CLOCK: variants seen among roughly 807,000 people sequenced by gnomAD.
CLOCK encodes the protein circadian locomoter output cycles protein kaput.
CLOCK carries 43 observed loss-of-function variants against 118.4 expected under a neutral mutation model. That is an observed-to-expected ratio of 0.36 (90% CI 0.28 to 0.47). The LOEUF is 0.47. CLOCK is among the 20% of genes least tolerant of loss of function. The probability of loss-of-function intolerance (pLI) is 1.00; values close to 1 mark genes in which losing one functional copy is unlikely to be tolerated. For missense variants in CLOCK, 846 were observed against 999.9 expected (o/e 0.85, Z 2.08); for synonymous variants, 326 against 339.2 (o/e 0.96, Z 0.43).
intron 7 of CLOCK, among the ~76,000 whole-genome samples, chr4:55,475,753 A>G (rs1267846474): frequency 1.3e-5 from 2 of 152,160 alleles, no homozygotes; most frequent in Non-Finnish European, 2.9e-5. Flanking sequence ...TTTAGGTATG[A>G]TCAGTATTTT....
intron 7 of CLOCK, 137 bp from the exon 8 acceptor site, chr4:55,470,943 C>T: frequency 6.1e-6 from 4 of 654,004 alleles, no homozygotes; most frequent in South Asian, 3.6e-5. Context: ...ACTAGCTTTC[C>T]CCCTTTACAA....
Position 55,455,906 on chromosome 4 carries a change from G to A in CLOCK, c.973C>T (p.His325Tyr). Residue 325 changes from histidine (H) to tyrosine (Y), a missense_variant, in exon 13 of 23, where the codon CAT (histidine) becomes TAT (tyrosine). His to Tyr is a moderately conservative substitution (Grantham distance 83). Transcript: ENST00000513440. The stretch of plus-strand genomic sequence containing the variant: ...GTTAAAATCTACTTACAGTGCTCAT[G>A]ACATTTTGCCAAATTTTCTAGGTCA... Reference protein sequence around the residue: ...VDDLENLAKCHEHLMQYGKGK... With the variant: ...VDDLENLAKCYEHLMQYGKGK... 1.2e-6 allele frequency: 2 copies of A among 1,611,982 alleles called. No individual in the cohort carries two copies. The highest frequency in any genetic ancestry group is 1.7e-6 in the Non-Finnish European group (2 of 1,178,298).
chr4:55,486,990 G>C (rs1727339108), intron 3 of CLOCK, among the ~76,000 whole-genome samples: 1 of 151,986 alleles, frequency 6.6e-6, no homozygotes, highest in South Asian at 2.1e-4. Context: ...TGGAGATCCT[G>C]GACAGTTGTA....
At chr4:55,458,473 A>G (rs1212253517) in intron 11 of CLOCK, among the ~76,000 whole-genome samples, 1 of 152,274 alleles carries the variant, frequency 6.6e-6, no homozygotes, top group African/African-American at 2.4e-5. Flanking sequence ...GGTCCAGGAA[A>G]TAAAAATAAA....
chr4:55,428,746 T>TACCA lies in CLOCK; in HGVS notation c.*6665_*6668dup, dbSNP rs1175758299. On this transcript the variant is annotated 3_prime_UTR_variant, in exon 23 of 23. Transcript: ENST00000513440. ...AGAATTTGGTGCATGTTTTAACAAC[T>TACCA]ACCAACTGATGTTAACAATGAAAAA... 1 of 151,532 alleles carries TACCA rather than the reference T, an allele frequency of 6.6e-6. No individual in the cohort carries two copies. The highest frequency in any genetic ancestry group is 2.4e-5 in the African/African-American group (1 of 41,320). 9.4% of individuals were successfully genotyped at this position (151,532 alleles called of 1,614,324 possible).
chr4:55,495,941 C>T (rs556082761), intron 2 of CLOCK, among the ~76,000 whole-genome samples: 2 of 152,276 alleles, frequency 1.3e-5, no homozygotes, highest in African/African-American at 2.4e-5. Context: ...GTAATCCCAG[C>T]ACTTTGGGAG....
chr4:55,485,482 CT>C (rs1236745855), intron 3 of CLOCK, among the ~76,000 whole-genome samples: 22 of 152,218 alleles, frequency 1.4e-4, no homozygotes, highest in African/African-American at 4.6e-4. Context: ...TTGCAGACTA[CT>C]GCAAGTCCCA....
At chr4:55,493,378 A>G (rs1727851175) in intron 2 of CLOCK, among the ~76,000 whole-genome samples, 1 of 152,202 alleles carries the variant, frequency 6.6e-6, no homozygotes, top group Non-Finnish European at 1.5e-5. Flanking sequence ...CTGATACCAC[A>G]GGTATTTCGG....
intron 1 of CLOCK, among the ~76,000 whole-genome samples, chr4:55,535,166 GAA>G (rs1730808585): frequency 1.6e-5 from 1 of 64,000 alleles, no homozygotes; most frequent in African/African-American, 7.9e-5. Context: ...GGTCAATACA[GAA>G]AGACCTCTTT....
intron 1 of CLOCK, among the ~76,000 whole-genome samples, chr4:55,516,205 A>G (rs1729504335): frequency 6.6e-6 from 1 of 152,202 alleles, no homozygotes; most frequent in South Asian, 2.1e-4. Context: ...ATAGATGTCA[A>G]TTATATCAAG....
chr4:55,510,708 A>C (rs1729091797), intron 1 of CLOCK, among the ~76,000 whole-genome samples: 1 of 152,072 alleles, frequency 6.6e-6, no homozygotes, highest in African/African-American at 2.4e-5. Context: ...CTAGCCAAAT[A>C]AAGCAAGAGG....
intron 6 of CLOCK, among the ~76,000 whole-genome samples, chr4:55,477,339 T>G (rs1317541459): frequency 6.6e-6 from 1 of 152,106 alleles, no homozygotes; most frequent in Non-Finnish European, 1.5e-5. Flanking sequence ...GAGTGTGCCA[T>G]TTAACAATAG....
intron 1 of CLOCK, among the ~76,000 whole-genome samples, chr4:55,516,492 C>T (rs1729522540): frequency 1.3e-5 from 2 of 151,108 alleles, no homozygotes; most frequent in Non-Finnish European, 3.0e-5. Context: ...CTGAGAGCTG[C>T]TCTGTCTGAA....
chr4:55,475,411 C>G (rs1029171430), intron 7 of CLOCK, among the ~76,000 whole-genome samples: 1 of 152,132 alleles, frequency 6.6e-6, no homozygotes, highest in Non-Finnish European at 1.5e-5. Flanking sequence ...GCAAAGGATA[C>G]AGAATATTAC....
intron 1 of CLOCK, among the ~76,000 whole-genome samples, chr4:55,512,550 G>T (rs1451673283): frequency 6.6e-6 from 1 of 151,996 alleles, no homozygotes; most frequent in Non-Finnish European, 1.5e-5. Context: ...CTTTTGATAA[G>T]TACCTCTCAC....
At chr4:55,543,574 T>G (rs1035555340) in intron 1 of CLOCK, among the ~76,000 whole-genome samples, 4 of 152,158 alleles carry the variant, frequency 2.6e-5, no homozygotes, top group Non-Finnish European at 5.9e-5. Context: ...TAGAAGTGGA[T>G]GTAAAGGGGT....
intron 13 of CLOCK, 79 bp downstream of exon 13, chr4:55,455,818 T>A (rs1312604106): frequency 1.0e-6 from 1 of 983,032 alleles, no homozygotes; most frequent in Non-Finnish European, 1.6e-6. Flanking sequence ...TAAATCTGTG[T>A]CTTACTACCT....
intron 7 of CLOCK, among the ~76,000 whole-genome samples, chr4:55,475,616 G>A (rs1213081913): frequency 2.0e-5 from 3 of 152,108 alleles, no homozygotes; most frequent in African/African-American, 7.2e-5. Context: ...CCAACCTTCA[G>A]CAACCACCAC....
In CLOCK at chr4:55,481,111, G is replaced by A. The variant is rs1025620593; in HGVS notation, c.48-1412C>T. Reference sequence around the variant, plus strand: ...AATATTAAAGTTTCTGCTGATTTATGAAGTTTTACATAAATTCCCTATTCA... The same window carrying A: ...AATATTAAAGTTTCTGCTGATTTATAAAGTTTTACATAAATTCCCTATTCA... On this transcript the variant is annotated intron_variant, in intron 4 of 22. Transcript: ENST00000513440. 5.3e-5 allele frequency among the ~76,000 whole-genome samples: 8 copies of A among 152,142 alleles called. No homozygotes were observed. In the South Asian group the frequency reaches 1.7e-3, roughly 32 times the overall value.
Sources: gnomAD v4.1 joint callset for allele counts (sites outside exome capture counted in the v4.1 genomes callset) on GRCh38, gnomAD v4.1.1 for gene constraint, MANE v1.5 for transcripts, NCBI Gene and HGNC (gene_info 2026-07-23, HGNC 2026-07-21) for gene names.